CORIN: variants seen among roughly 807,000 people sequenced by gnomAD.
CORIN encodes atrial natriuretic peptide-converting enzyme.
In CORIN, 117 loss-of-function variants were observed where a neutral mutation model predicts 125.3. The observed-to-expected ratio is 0.93, with a 90% confidence interval of 0.80 to 1.09. CORIN has a LOEUF of 1.09. CORIN is among the 50% of genes least tolerant of loss of function. CORIN has a pLI of 0.00. For missense variants in CORIN, 1,253 were observed against 1,306.7 expected (o/e 0.96, Z 0.63); for synonymous variants, 450 against 466.4 (o/e 0.96, Z 0.45).
intron 1 of CORIN, among the ~76,000 whole-genome samples, chr4:47,819,185 C>T (rs145397564): frequency 2.2e-3 from 340 of 152,196 alleles, no homozygotes; most frequent in African/African-American, 7.8e-3. Context: ...GAGGAGAACA[C>T]CTTCTGGGTA....
chr4:47,690,639 C>T (rs1046042226), intron 6 of CORIN, among the ~76,000 whole-genome samples: 1 of 152,152 alleles, frequency 6.6e-6, no homozygotes, highest in Non-Finnish European at 1.5e-5. Context: ...TGCCTACTTG[C>T]GAGAACCTTA....
At chr4:47,678,097 T>A in intron 8 of CORIN, 43 bp from the exon 9 acceptor site, 2 of 1,323,480 alleles carry the variant, frequency 1.5e-6, no homozygotes, top group Non-Finnish European at 1.1e-6. Flanking sequence ...TATTAATTCT[T>A]CTCTCTCAAT....
chr4:47,768,232 G>A (rs566897223), intron 3 of CORIN, among the ~76,000 whole-genome samples: 5 of 151,960 alleles, frequency 3.3e-5, no homozygotes, highest in Admixed American at 6.6e-5. Context: ...CTCTCTTTTC[G>A]GACTCAGCCC....
chr4:47,686,306 G>A (rs766000027), intron 6 of CORIN, among the ~76,000 whole-genome samples: 3 of 151,856 alleles, frequency 2.0e-5, no homozygotes, highest in Non-Finnish European at 2.9e-5. Flanking sequence ...ATATATACAC[G>A]TAAGTCCATA....
intron 16 of CORIN, 59 bp from the exon 17 acceptor site, chr4:47,626,580 T>G (rs1433911880): frequency 3.9e-6 from 4 of 1,025,598 alleles, no homozygotes; most frequent in Non-Finnish European, 6.2e-6. Context: ...GAACAGGCAT[T>G]ATCATTATTT....
intron 3 of CORIN, among the ~76,000 whole-genome samples, chr4:47,779,143 G>A (rs944130527): frequency 1.3e-5 from 2 of 152,208 alleles, no homozygotes; most frequent in Non-Finnish European, 2.9e-5. Flanking sequence ...AACATTTCAA[G>A]ATATTATTTA....
intron 5 of CORIN, among the ~76,000 whole-genome samples, chr4:47,699,596 G>GT (rs1726192470): frequency 1.3e-5 from 2 of 152,324 alleles, no homozygotes; most frequent in African/African-American, 2.4e-5. Context: ...ATACGTGCAA[G>GT]TTAGATATCT....
intron 6 of CORIN, among the ~76,000 whole-genome samples, chr4:47,688,319 G>A (rs867141858): frequency 6.6e-6 from 1 of 152,082 alleles, no homozygotes; most frequent in Non-Finnish European, 1.5e-5. Context: ...CCATATTTAG[G>A]CTGGGCACAG....
intron 5 of CORIN, among the ~76,000 whole-genome samples, chr4:47,712,077 G>C (rs1284329280): frequency 6.6e-6 from 1 of 152,190 alleles, no homozygotes; most frequent in Non-Finnish European, 1.5e-5. Context: ...TCATAGAACT[G>C]TAGTGAAGAT....
intron 3 of CORIN, among the ~76,000 whole-genome samples, chr4:47,786,178 T>TA (rs1720188065): frequency 1.3e-5 from 2 of 152,184 alleles, no homozygotes; most frequent in Non-Finnish European, 1.5e-5. Flanking sequence ...ATGGCATTGA[T>TA]ACGTTTTCAT....
intron 4 of CORIN, among the ~76,000 whole-genome samples, chr4:47,747,775 A>T (rs1728724612): frequency 6.6e-6 from 1 of 152,210 alleles, no homozygotes; most frequent in Non-Finnish European, 1.5e-5. Flanking sequence ...ACTCATGTCA[A>T]AACTCAGTTT....
intron 19 of CORIN, among the ~76,000 whole-genome samples, chr4:47,612,162 G>A (rs912793915): frequency 6.6e-6 from 1 of 152,064 alleles, no homozygotes; most frequent in African/African-American, 2.4e-5. Flanking sequence ...TGTACCTTTG[G>A]TAGATTTCAG....
intron 2 of CORIN, among the ~76,000 whole-genome samples, chr4:47,789,736 A>C (rs929636531): frequency 5.3e-5 from 8 of 152,018 alleles, no homozygotes; most frequent in Non-Finnish European, 8.8e-5. Context: ...AAAAATGCTA[A>C]GAGGCCGGGC....
At chr4:47,654,905 A>AC (rs34271048) in intron 12 of CORIN, among the ~76,000 whole-genome samples, 20,922 of 150,698 alleles carry the variant, frequency 0.14, 1,927 homozygotes, top group East Asian at 0.47. Flanking sequence ...TCAGAAAGAG[A>AC]CTCCTTTCTT....
intron 12 of CORIN, among the ~76,000 whole-genome samples, chr4:47,656,718 G>A (rs1254841760): frequency 6.6e-6 from 1 of 152,092 alleles, no homozygotes; most frequent in African/African-American, 2.4e-5. Context: ...TCCAAGATCT[G>A]GAACATGACA....
intron 1 of CORIN, among the ~76,000 whole-genome samples, chr4:47,823,104 T>C (rs1249151322): frequency 6.6e-6 from 1 of 152,168 alleles, no homozygotes; most frequent in Non-Finnish European, 1.5e-5. Flanking sequence ...TGAGCCACCG[T>C]ACCCGGCCCC....
At chr4:47,742,092 A>C (rs1286442148) in intron 5 of CORIN, among the ~76,000 whole-genome samples, 1 of 152,018 alleles carries the variant, frequency 6.6e-6, no homozygotes, top group Non-Finnish European at 1.5e-5. Context: ...CATTTCTAAA[A>C]GGTAACTAGC....
At chr4:47,751,126 A>T (rs1186204128) in intron 4 of CORIN, among the ~76,000 whole-genome samples, 2 of 152,206 alleles carry the variant, frequency 1.3e-5, no homozygotes, top group Non-Finnish European at 2.9e-5. Flanking sequence ...AAATCATGTC[A>T]TCTACTACAG....
At chr4:47,716,491 A>G (rs1727096894) in intron 5 of CORIN, among the ~76,000 whole-genome samples, 1 of 152,198 alleles carries the variant, frequency 6.6e-6, no homozygotes, top group South Asian at 2.1e-4. Flanking sequence ...GCCCTCTGTC[A>G]GGACACAATA....
Sources: allele counts gnomAD v4.1 joint callset (sites outside exome capture counted in the v4.1 genomes callset), GRCh38; gene constraint gnomAD v4.1.1; transcripts MANE v1.5; gene names NCBI Gene and HGNC (gene_info 2026-07-23, HGNC 2026-07-21).